The following CDH2 variants were observed in gnomAD, a reference collection of about 807,000 sequenced individuals.
CDH2 encodes the protein cadherin 2, also known as cadherin-2.
Under a neutral mutation model 92.0 loss-of-function variants are expected in CDH2, and 17 were observed. The observed-to-expected ratio is 0.18, with a 90% CI of 0.13 to 0.28. The LOEUF is 0.28. Among genes scored for constraint, CDH2 ranks in the 10% least tolerant of loss-of-function variants. The pLI is 1.00. For synonymous variants in CDH2, 419 were observed against 415.9 expected (o/e 1.01, Z -0.09); for missense variants, 862 against 1,133.1 (o/e 0.76, Z 3.44).
chr18:27,947,423 C>A (rs1056071579), downstream of CDH2, among the ~76,000 whole-genome samples: 1 of 151,616 alleles, frequency 6.6e-6, no homozygotes, highest in Non-Finnish European at 1.5e-5. Flanking sequence ...TAGCTTTTCA[C>A]AATTCAATCA....
At chr18:28,151,111 G>A (rs545687586) in intron 1 of CDH2, among the ~76,000 whole-genome samples, 2 of 152,220 alleles carry the variant, frequency 1.3e-5, no homozygotes, top group Non-Finnish European at 2.9e-5. Context: ...TGAGACTGCA[G>A]GAGACCAAGA....
chr18:27,949,487 G>T (rs183696936), downstream of CDH2, among the ~76,000 whole-genome samples: 1 of 151,980 alleles, frequency 6.6e-6, no homozygotes, highest in African/African-American at 2.4e-5. Context: ...AAACTATTAT[G>T]TTCATATTAT....
chr18:27,954,284 T>C (rs866706760), intron 15 of CDH2, among the ~76,000 whole-genome samples: 5 of 152,188 alleles, frequency 3.3e-5, no homozygotes, highest in Non-Finnish European at 4.4e-5. Flanking sequence ...CTGTGGTAGA[T>C]TGTGTTACTG....
intron 2 of CDH2, among the ~76,000 whole-genome samples, chr18:28,042,698 A>T (rs940763399): frequency 1.3e-5 from 2 of 152,188 alleles, no homozygotes; most frequent in African/African-American, 4.8e-5. Context: ...TGCATCGATA[A>T]GAACAAGTTA....
At chr18:28,008,038 T>G (rs1368035090) in intron 5 of CDH2, among the ~76,000 whole-genome samples, 1 of 152,204 alleles carries the variant, frequency 6.6e-6, no homozygotes, top group Non-Finnish European at 1.5e-5. Context: ...CCGACTGGTA[T>G]TGCTCTTTTA....
rs1461372425 is a variant in CDH2 at position 28,067,847 on chromosome 18, A to G, written c.173-53938T>C. The stretch of plus-strand genomic sequence containing the variant: ...TTAATATTCTTAAGTAAGGTATATC[A>G]TCTTATGTGGGCCTCAAATTTTCTC... On this transcript the variant is annotated intron_variant, in intron 2 of 15. Transcript: ENST00000269141. 3.3e-5 allele frequency among the ~76,000 whole-genome samples: 5 copies of G among 152,280 alleles called. No individual in the cohort carries two copies. The East Asian group carries it at 9.6e-4, about 29-fold the overall frequency.
chr18:28,164,430 T>A (rs956008855), intron 1 of CDH2, among the ~76,000 whole-genome samples: 1 of 152,158 alleles, frequency 6.6e-6, no homozygotes, highest in East Asian at 1.9e-4. Flanking sequence ...ACTATTAGAA[T>A]AGAAAGATGC....
chr18:28,126,293 C>A (rs2015676553), intron 2 of CDH2, among the ~76,000 whole-genome samples: 1 of 152,054 alleles, frequency 6.6e-6, no homozygotes, highest in African/African-American at 2.4e-5. Context: ...ATGGCTACAT[C>A]ATAAAACTTC....
chr18:27,939,910 T>C (rs747425164), intron 6 of CDH2, among the ~76,000 whole-genome samples: 3 of 152,100 alleles, frequency 2.0e-5, no homozygotes, highest in Non-Finnish European at 4.4e-5. Context: ...GCTAAAACCT[T>C]CCTAGGGCTG....
chr18:28,001,940 CT>C (rs1337232008), intron 7 of CDH2, among the ~76,000 whole-genome samples: 1 of 152,208 alleles, frequency 6.6e-6, no homozygotes, highest in Non-Finnish European at 1.5e-5. Context: ...ATAATGTCTC[CT>C]TTTGACATAC....
At chr18:28,024,931 T>C (rs553716624) in intron 2 of CDH2, among the ~76,000 whole-genome samples, 1 of 152,156 alleles carries the variant, frequency 6.6e-6, no homozygotes, top group South Asian at 2.1e-4. Context: ...TTAAGAAAAT[T>C]TACAAAATTA....
intron 2 of CDH2, among the ~76,000 whole-genome samples, chr18:28,063,857 C>G (rs970552207): frequency 2.6e-5 from 4 of 152,174 alleles, no homozygotes; most frequent in African/African-American, 4.8e-5. Flanking sequence ...ATATTTTCTT[C>G]TTCAAGCCAC....
intron 1 of CDH2, among the ~76,000 whole-genome samples, chr18:28,163,650 T>G (rs2016338124): frequency 6.6e-6 from 1 of 152,242 alleles, no homozygotes; most frequent in African/African-American, 2.4e-5. Flanking sequence ...TTGTACCATA[T>G]TCATAGCATG....
intron 2 of CDH2, among the ~76,000 whole-genome samples, chr18:28,039,766 G>C (rs575086436): frequency 6.6e-6 from 1 of 152,074 alleles, no homozygotes; most frequent in Non-Finnish European, 1.5e-5. Context: ...TGTAGGGTTA[G>C]GCAATTCCAC....
intron 2 of CDH2, among the ~76,000 whole-genome samples, chr18:28,023,500 T>A (rs1264148932): frequency 6.2e-4 from 1 of 1,610 alleles, no homozygotes; most frequent in African/African-American, 2.8e-3. Flanking sequence ...ATTTTTGTTA[T>A]TTTTTAGTAG....
Position 28,010,802 on chromosome 18 carries a change from A to T in CDH2, c.547-930T>A, listed in dbSNP as rs1220147. ...CTCCTGCCTCAGCCTCCCGAGTAGCACCACGCCCAGCTATTTTTTTCTGTA... is the reference window on the plus strand; with the variant it reads ...CTCCTGCCTCAGCCTCCCGAGTAGCTCCACGCCCAGCTATTTTTTTCTGTA... On this transcript the variant is annotated intron_variant, in intron 4 of 15. Coordinates refer to ENST00000269141, the MANE Select transcript of CDH2 (RefSeq NM_001792.5). 9.2e-3 allele frequency among the ~76,000 whole-genome samples: 1,402 copies of T among 151,700 alleles called. 22 individuals are homozygous for T. The highest frequency in any genetic ancestry group is 0.033 in the African/African-American group (1,354 of 41,344).
At chr18:28,161,990 G>GT (rs2016313475) in intron 1 of CDH2, among the ~76,000 whole-genome samples, 1 of 152,112 alleles carries the variant, frequency 6.6e-6, no homozygotes, top group Non-Finnish European at 1.5e-5. Context: ...GATGCCAAGG[G>GT]TAACTAAATC....
chr18:28,100,535 G>A (rs1489155937), intron 2 of CDH2, among the ~76,000 whole-genome samples: 1 of 152,170 alleles, frequency 6.6e-6, no homozygotes, highest in Non-Finnish European at 1.5e-5. Context: ...TCCTTAGAAA[G>A]AAAATCCTAT....
chr18:28,147,905 T>C (rs2016063204), intron 1 of CDH2, 121 bp from the exon 2 acceptor site: 4 of 611,924 alleles, frequency 6.5e-6, no homozygotes, highest in Non-Finnish European at 8.6e-6. Context: ...AACCCCTTTG[T>C]TTCCAAGTGC....
Sources: allele counts gnomAD v4.1 joint callset (sites outside exome capture counted in the v4.1 genomes callset), GRCh38; gene constraint gnomAD v4.1.1; transcripts MANE v1.5; gene names NCBI Gene and HGNC (gene_info 2026-07-23, HGNC 2026-07-21).